Variants in CNBD1 observed in about 807,000 individuals in gnomAD.
CNBD1 encodes the protein cyclic nucleotide binding domain containing 1.
A neutral mutation model predicts 54.4 loss-of-function variants in CNBD1; 71 were observed. The ratio of observed to expected loss-of-function variants is 1.30; its 90% CI spans 1.08 to 1.59. CNBD1 has a LOEUF of 1.59. CNBD1 is among the 40% of genes most tolerant of loss of function. The pLI is 0.00. For synonymous variants in CNBD1, 182 were observed against 170.7 expected, an observed-to-expected ratio of 1.07 and a Z score of -0.51; for missense variants, 659 against 518.0, an observed-to-expected ratio of 1.27 and a Z score of -2.64.
chr8:87,253,823 A>T (rs1807956249), intron 6 of CNBD1, among the ~76,000 whole-genome samples: 1 of 152,152 alleles, frequency 6.6e-6, no homozygotes, highest in Non-Finnish European at 1.5e-5. Context: ...CAACAACAAA[A>T]CATTAAACAT....
chr8:87,375,274 C>T (rs1810902951), intron 10 of CNBD1, among the ~76,000 whole-genome samples: 3 of 151,780 alleles, frequency 2.0e-5, no homozygotes, highest in Admixed American at 6.6e-5. Context: ...TTACAAATTT[C>T]CAGGAACTTA....
At chr8:86,917,580 TC>T (rs1809207008) in intron 3 of CNBD1, among the ~76,000 whole-genome samples, 1 of 152,138 alleles carries the variant, frequency 6.6e-6, no homozygotes, top group Admixed American at 6.5e-5. Flanking sequence ...GTGGTAGGAC[TC>T]TGGGGAGGGG....
intron 10 of CNBD1, among the ~76,000 whole-genome samples, chr8:87,374,906 T>G (rs1810894273): frequency 6.6e-6 from 1 of 151,900 alleles, no homozygotes; most frequent in Non-Finnish European, 1.5e-5. Context: ...TAGTTTGTTA[T>G]AGCAACTACC....
At chr8:87,145,237 G>T (rs1415685485) in intron 4 of CNBD1, among the ~76,000 whole-genome samples, 1 of 152,098 alleles carries the variant, frequency 6.6e-6, no homozygotes, top group East Asian at 1.9e-4. Flanking sequence ...CAAATAGATT[G>T]GGAGTGGATA....
intron 5 of CNBD1, among the ~76,000 whole-genome samples, chr8:87,218,505 T>G (rs1814261328): frequency 6.6e-6 from 1 of 152,078 alleles, no homozygotes; most frequent in Non-Finnish European, 1.5e-5. Flanking sequence ...TTAGAAATAG[T>G]CTATTATGCC....
chr8:87,375,129 G>A (rs1263176040), intron 10 of CNBD1, among the ~76,000 whole-genome samples: 2 of 151,756 alleles, frequency 1.3e-5, no homozygotes, highest in East Asian at 1.9e-4. Flanking sequence ...ATACACTATT[G>A]CATCTAAGTT....
At chr8:87,113,932 AG>A (rs1235366079) in intron 4 of CNBD1, among the ~76,000 whole-genome samples, 1 of 152,002 alleles carries the variant, frequency 6.6e-6, no homozygotes, top group Non-Finnish European at 1.5e-5. Context: ...AAAAAAGAAA[AG>A]AAAGAAATAG....
At position 87,274,232 on chromosome 8, in the gene CNBD1, C is replaced by T. The variant is rs987090585; in HGVS notation, c.772-10446C>T. Among the ~76,000 whole-genome samples the T allele has an allele frequency of 1.5e-4, 22 of 150,726 alleles. No individual in the cohort carries two copies. In the South Asian group the frequency reaches 3.8e-3, roughly 26 times the overall value. On this transcript the variant is annotated intron_variant, in intron 6 of 10. Transcript: ENST00000518476. ...CGTGAATGGTGCCGCAATAAACATA[C>T]GTGTGCATGTGTCTTTATAGCAGCA...
At chr8:87,386,041 C>T (rs1197710466), downstream of CNBD1, among the ~76,000 whole-genome samples, 1 of 152,128 alleles carries the variant, frequency 6.6e-6, no homozygotes, top group East Asian at 1.9e-4. Flanking sequence ...CTCCAACAGA[C>T]CTGCAGCTGA....
chr8:86,951,058 A>G (rs1807605762), intron 4 of CNBD1, among the ~76,000 whole-genome samples: 1 of 152,022 alleles, frequency 6.6e-6, no homozygotes, highest in Non-Finnish European at 1.5e-5. Flanking sequence ...TTACTTTTCT[A>G]CTGTTTGCTT....
chr8:86,946,340 A>T (rs150194585), intron 4 of CNBD1, among the ~76,000 whole-genome samples: 5,975 of 152,230 alleles, frequency 0.039, 128 homozygotes, highest in Non-Finnish European at 0.046. Flanking sequence ...ATTTTCATAC[A>T]GCAGTTTAAG....
intron 4 of CNBD1, among the ~76,000 whole-genome samples, chr8:87,067,743 A>G (rs1810683123): frequency 6.6e-6 from 1 of 151,872 alleles, no homozygotes; most frequent in African/African-American, 2.4e-5. Flanking sequence ...TTAACTTATA[A>G]TCTTGTATTT....
At position 87,352,478 on chromosome 8, in the gene CNBD1, CA is replaced by C. The variant is rs386413278; in HGVS notation, c.1152+702del. ...CTGGCTACAGAGCAAGACTCTGTCT[CA>C]AAAAAAAAAAAAAAAAACTTATATG... On this transcript the variant is annotated intron_variant, in intron 9 of 10. Transcript: ENST00000518476. Among the ~76,000 whole-genome samples the C allele has an allele frequency of 8.6e-4, 92 of 107,458 alleles. 1 individual carries two copies. The highest frequency in any genetic ancestry group is 7.1e-3 in the South Asian group (23 of 3,230). 70.5% of individuals were successfully genotyped at this position (107,458 alleles called of 152,430 possible).
chr8:86,870,597 G>A (rs1396385375), intron 1 of CNBD1, among the ~76,000 whole-genome samples: 1 of 152,092 alleles, frequency 6.6e-6, no homozygotes, highest in Admixed American at 6.6e-5. Flanking sequence ...TCATTCCTAA[G>A]CGTTCAAAGG....
intron 4 of CNBD1, among the ~76,000 whole-genome samples, chr8:86,965,344 A>T (rs1808043987): frequency 6.6e-6 from 1 of 152,140 alleles, no homozygotes. Context: ...CCTCAGCCAG[A>T]TACTCTCAGT....
At chr8:87,320,755 A>T (rs1809508582) in intron 8 of CNBD1, among the ~76,000 whole-genome samples, 1 of 152,112 alleles carries the variant, frequency 6.6e-6, no homozygotes, top group Admixed American at 6.6e-5. Context: ...AACAAATTTT[A>T]TGTGCACATT....
At chr8:87,375,365 G>T (rs1402147345) in intron 10 of CNBD1, among the ~76,000 whole-genome samples, 1 of 151,712 alleles carries the variant, frequency 6.6e-6, no homozygotes, top group Non-Finnish European at 1.5e-5. Context: ...CAAAGAGAAA[G>T]CAAAAAGTTA....
chr8:87,380,071 A>G (rs1389189898), intron 10 of CNBD1, among the ~76,000 whole-genome samples: 1 of 151,976 alleles, frequency 6.6e-6, no homozygotes, highest in African/African-American at 2.4e-5. Flanking sequence ...GGATAAACTT[A>G]GACAAAGGAA....
chr8:87,146,730 T>C lies in CNBD1; in HGVS notation c.432-59263T>C, dbSNP rs552387817. Among the ~76,000 whole-genome samples the C allele has an allele frequency of 3.1e-3, 467 of 152,214 alleles. 4 individuals carry two copies. Among genetic ancestry groups the C allele is most frequent in the Non-Finnish European group, 4.8e-3 (324 of 67,988 alleles). On this transcript the variant is annotated intron_variant, in intron 4 of 10. Coordinates refer to ENST00000518476, the MANE Select transcript of CNBD1 (RefSeq NM_173538.3). ...TAAGTATGCATTCAAACAAACAATG[T>C]CTTGAATCTTTTAATTTTTCCATCT... is the stretch of plus-strand genomic sequence containing the variant.
Sources: gnomAD v4.1 joint callset for allele counts (sites outside exome capture counted in the v4.1 genomes callset) on GRCh38, gnomAD v4.1.1 for gene constraint, MANE v1.5 for transcripts, NCBI Gene and HGNC (gene_info 2026-07-23, HGNC 2026-07-21) for gene names.